RAD51B: variants seen among roughly 807,000 people sequenced by gnomAD.
The protein encoded by RAD51B is DNA repair protein RAD51 homolog 2.
A neutral mutation model predicts 42.2 loss-of-function variants in RAD51B; 38 were observed. The observed-to-expected ratio is 0.90, with a 90% confidence interval of 0.70 to 1.18. The LOEUF (loss-of-function observed/expected upper bound fraction) is 1.18. Ranked by LOEUF, RAD51B falls within the 50% of genes most tolerant of loss-of-function variation. RAD51B has a pLI of 0.00. For synonymous variants in RAD51B, 154 were observed against 145.2 expected (o/e 1.06, Z -0.43); for missense variants, 373 against 400.7 (o/e 0.93, Z 0.59).
chr14:68,295,356 G>A (rs372152650), intron 8 of RAD51B, among the ~76,000 whole-genome samples: 14 of 152,198 alleles, frequency 9.2e-5, no homozygotes, highest in South Asian at 6.2e-4. Context: ...GTGGTGGGGC[G>A]GGGAGACCCA....
chr14:68,197,642 GT>G (rs1250974094), intron 7 of RAD51B, among the ~76,000 whole-genome samples: 1 of 152,094 alleles, frequency 6.6e-6, no homozygotes, highest in African/African-American at 2.4e-5. Flanking sequence ...TTGTTCTACA[GT>G]TTCACTAAGA....
chr14:68,255,049 C>A (rs193169742), intron 7 of RAD51B, among the ~76,000 whole-genome samples: 1 of 152,222 alleles, frequency 6.6e-6, no homozygotes, highest in Admixed American at 6.5e-5. Flanking sequence ...TCCTCTTTTT[C>A]ACTTAGTATT....
intron 7 of RAD51B, among the ~76,000 whole-genome samples, chr14:68,282,817 A>T: frequency 6.6e-6 from 1 of 152,150 alleles, no homozygotes. Flanking sequence ...TTAGGATGCC[A>T]TTTGTGCTGG....
At chr14:68,284,439 C>T (rs2081377616) in intron 7 of RAD51B, among the ~76,000 whole-genome samples, 1 of 152,216 alleles carries the variant, frequency 6.6e-6, no homozygotes, top group African/African-American at 2.4e-5. Flanking sequence ...CTTTTGTGGA[C>T]TCAACACTTT....
chr14:67,837,292 T>C (rs1338836187), intron 4 of RAD51B, among the ~76,000 whole-genome samples: 1 of 150,168 alleles, frequency 6.7e-6, no homozygotes, highest in Non-Finnish European at 1.5e-5. Context: ...TTTATTACAG[T>C]GTGATCCACA....
chr14:68,054,251 T>A (rs2076438660), intron 7 of RAD51B, among the ~76,000 whole-genome samples: 1 of 152,212 alleles, frequency 6.6e-6, no homozygotes, highest in Non-Finnish European at 1.5e-5. Context: ...GTCATGCCTC[T>A]TAATCTTTAG....
At chr14:68,534,621 G>T (rs963181044) in intron 10 of RAD51B, among the ~76,000 whole-genome samples, 32 of 152,194 alleles carry the variant, frequency 2.1e-4, no homozygotes, top group African/African-American at 7.7e-4. Flanking sequence ...GCGCGAAGAT[G>T]AACAGAATGT....
intron 8 of RAD51B, among the ~76,000 whole-genome samples, chr14:68,315,007 TC>T (rs2082028119): frequency 6.6e-6 from 1 of 152,196 alleles, no homozygotes; most frequent in African/African-American, 2.4e-5. Flanking sequence ...TAAAGTTAAC[TC>T]CCTTTAGTTT....
chr14:68,405,726 C>T (rs981681359), intron 8 of RAD51B, among the ~76,000 whole-genome samples: 1 of 151,260 alleles, frequency 6.6e-6, no homozygotes, highest in African/African-American at 2.4e-5. Flanking sequence ...GTTTTAGCGA[C>T]GCGGAGTCCT....
intron 8 of RAD51B, among the ~76,000 whole-genome samples, chr14:68,348,093 G>A (rs1429805995): frequency 6.6e-6 from 1 of 152,130 alleles, no homozygotes; most frequent in African/African-American, 2.4e-5. Flanking sequence ...CTCTGGGAGG[G>A]CATGAGAAAA....
intron 8 of RAD51B, among the ~76,000 whole-genome samples, chr14:68,326,057 T>A (rs2082246387): frequency 2.5e-5 from 2 of 80,442 alleles, no homozygotes; most frequent in Admixed American, 1.6e-4. Flanking sequence ...TTTTTTTTTT[T>A]GAGACGGAGT....
intron 7 of RAD51B, among the ~76,000 whole-genome samples, chr14:68,272,639 AT>A (rs1566775497): frequency 0.032 from 346 of 10,788 alleles, 11 homozygotes; most frequent in African/African-American, 0.13. Flanking sequence ...AACACTTTAT[AT>A]ATATATATAT....
intron 7 of RAD51B, among the ~76,000 whole-genome samples, chr14:67,961,819 C>A (rs1382550373): frequency 6.6e-6 from 1 of 151,970 alleles, no homozygotes; most frequent in Admixed American, 6.5e-5. Context: ...ATATTATGTT[C>A]ACTATGAAAA....
intron 7 of RAD51B, among the ~76,000 whole-genome samples, chr14:67,966,331 A>G (rs1468536014): frequency 1.3e-5 from 2 of 152,204 alleles, no homozygotes; most frequent in Non-Finnish European, 1.5e-5. Flanking sequence ...ACCTCAAGTT[A>G]CTGAGGAAGC....
At chr14:67,913,937 C>A (rs1475932740) in intron 7 of RAD51B, among the ~76,000 whole-genome samples, 1 of 152,054 alleles carries the variant, frequency 6.6e-6, no homozygotes, top group African/African-American at 2.4e-5. Context: ...CTCCACTACT[C>A]TTCCCAACCT....
intron 7 of RAD51B, among the ~76,000 whole-genome samples, chr14:68,275,953 C>T (rs1432848112): frequency 1.3e-5 from 2 of 152,136 alleles, no homozygotes; most frequent in East Asian, 1.9e-4. Context: ...CATCTTGCTT[C>T]TACTTCCTGT....
chr14:67,986,623 A>T (rs2075198420), intron 7 of RAD51B, among the ~76,000 whole-genome samples: 1 of 152,236 alleles, frequency 6.6e-6, no homozygotes, highest in African/African-American at 2.4e-5. Context: ...GTTTCTCAAG[A>T]TTGGGAATAT....
intron 7 of RAD51B, among the ~76,000 whole-genome samples, chr14:68,100,875 A>G (rs746436782): frequency 2.0e-5 from 3 of 152,170 alleles, no homozygotes; most frequent in Non-Finnish European, 4.4e-5. Flanking sequence ...TGACCACACT[A>G]TTAGTCTGTT....
At chr14:67,946,590 A>T (rs926181412) in intron 7 of RAD51B, among the ~76,000 whole-genome samples, 2 of 151,398 alleles carry the variant, frequency 1.3e-5, no homozygotes, top group African/African-American at 2.4e-5. Context: ...CTGGTCTTGA[A>T]CTCCTGACCT....
Sources: allele counts gnomAD v4.1 joint callset (sites outside exome capture counted in the v4.1 genomes callset), GRCh38; gene constraint gnomAD v4.1.1; transcripts MANE v1.5; gene names NCBI Gene and HGNC (gene_info 2026-07-23, HGNC 2026-07-21).